Variants in CDC34 observed in about 807,000 individuals in gnomAD.
The protein encoded by CDC34 is cell division cycle 34, ubiquitin conjugating enzyme.
CDC34 carries 18 observed loss-of-function variants against 26.8 expected under a neutral mutation model. That is an observed-to-expected ratio of 0.67 (90% CI 0.47 to 1.00). CDC34 has a LOEUF of 1.00. Among genes scored for constraint, CDC34 ranks in the 50% least tolerant of loss-of-function variants. CDC34 has a pLI of 0.00. For missense variants in CDC34, 280 were observed against 334.5 expected (o/e 0.84, Z 1.27); for synonymous variants, 178 against 147.5 (o/e 1.21, Z -1.50).
At chr19:535,770 C>T in intron 1 of CDC34, 67 bp from the exon 2 acceptor site, 1 of 1,248,422 alleles carries the variant, frequency 8.0e-7, no homozygotes, top group South Asian at 1.2e-5. Flanking sequence ...TGGCCTTGGG[C>T]ACCTTGTGAG....
chr19:534,410 C>T (rs1380251036), intron 1 of CDC34, among the ~76,000 whole-genome samples: 2 of 149,302 alleles, frequency 1.3e-5, no homozygotes, highest in Non-Finnish European at 3.0e-5. Flanking sequence ...CAATCCAAGA[C>T]CCCCGAGTAC....
chr19:533,433 G>A (rs918481328), intron 1 of CDC34, among the ~76,000 whole-genome samples: 2 of 152,370 alleles, frequency 1.3e-5, no homozygotes, highest in African/African-American at 4.8e-5. Flanking sequence ...TGCTGGGGGC[G>A]ATTCCTGAGC....
chr19:536,481 G>A (rs934048374), intron 3 of CDC34, 141 bp downstream of exon 3: 26 of 653,914 alleles, frequency 4.0e-5, no homozygotes, highest in Middle Eastern at 4.2e-4. Context: ...GCCAGCTGGC[G>A]GTCCTGGGCC....
intron 4 of CDC34, among the ~76,000 whole-genome samples, chr19:539,934 C>T (rs1052089050): frequency 2.6e-5 from 4 of 152,322 alleles, no homozygotes; most frequent in African/African-American, 7.2e-5. Context: ...GCTAACTTGT[C>T]CTCCCTTCCT....
chr19:539,886 T>C (rs946866197), intron 4 of CDC34, among the ~76,000 whole-genome samples: 2 of 152,106 alleles, frequency 1.3e-5, no homozygotes, highest in African/African-American at 2.4e-5. Context: ...CAGCCCCTCA[T>C]AGGGCCGGGT....
chr19:536,448 C>A, intron 3 of CDC34, 108 bp downstream of exon 3: 2 of 830,788 alleles, frequency 2.4e-6, no homozygotes, highest in Non-Finnish European at 3.8e-6. Flanking sequence ...CAGGCTGTGG[C>A]GCCAAGGCCT....
Position 541,604 on chromosome 19 carries a change from C to T in CDC34, c.*52C>T, listed in dbSNP as rs1297699421. 2 of 1,505,328 alleles carry T rather than the reference C, an allele frequency of 1.3e-6. No homozygotes were observed. The highest frequency in any genetic ancestry group is 2.7e-5 in the South Asian group (2 of 74,772). The allele number at this position is 1,505,328 out of a possible 1,614,324, so 93.2% of individuals were successfully genotyped here. On this transcript the variant is annotated 3_prime_UTR_variant, in exon 5 of 5. Transcript: ENST00000215574. The stretch of plus-strand genomic sequence containing the variant: ...TACCTCACTAGGGCCGGACCCGTGG[C>T]TCCTTAGACGACAGACTACCTCACG...
chr19:536,658 C>A lies in CDC34; in HGVS notation c.362+318C>A, dbSNP rs1979769416. On this transcript the variant is annotated intron_variant, in intron 3 of 4. Transcript: ENST00000215574. ...CTTACCCAGCCGTCTCTGGGTTGGT[C>A]ACCTCGTGCCACGTGTGCCGCCTGG... The A allele has an allele frequency of 5.6e-6, 3 of 536,440 alleles. No individual in the cohort carries two copies. In the South Asian group the frequency reaches 6.8e-5, roughly 12 times the overall value. 33.2% of individuals were successfully genotyped at this position (536,440 alleles called of 1,614,324 possible).
At position 533,519 on chromosome 19, in the gene CDC34, G is replaced by A. The variant is rs147363174; in HGVS notation, c.177+1411G>A. Reference sequence around the variant, plus strand: ...CAGGGAACAGAGTTTGGGTCTCGAGGTTGCCAAATGGTTTTAGCAGCTCCT... The same window carrying A: ...CAGGGAACAGAGTTTGGGTCTCGAGATTGCCAAATGGTTTTAGCAGCTCCT... On this transcript the variant is annotated intron_variant, in intron 1 of 4. Transcript: ENST00000215574. 7.3e-3 allele frequency among the ~76,000 whole-genome samples: 1,106 copies of A among 152,378 alleles called. 6 individuals carry two copies. Among genetic ancestry groups the A allele is most frequent in the Non-Finnish European group, 0.011 (770 of 68,044 alleles).
chr19:536,910 CCTG>C (rs757085561), intron 3 of CDC34, 100 bp from the exon 4 acceptor site: 101 of 1,367,560 alleles, frequency 7.4e-5, no homozygotes, highest in Non-Finnish European at 9.6e-5. Context: ...GTGAAGGTCA[CCTG>C]CTGGGTGGGT....
intron 3 of CDC34, 68 bp downstream of exon 3, chr19:536,408 C>A: frequency 8.1e-7 from 1 of 1,241,334 alleles, no homozygotes; most frequent in Non-Finnish European, 1.1e-6. Context: ...CCGTATCCAC[C>A]CAGACCATCA....
chr19:541,497 A>C lies in CDC34; in HGVS notation c.656A>C (p.Glu219Ala). The C allele has an allele frequency of 7.5e-6, 12 of 1,610,564 alleles. No homozygotes were observed. Among genetic ancestry groups the C allele is most frequent in the East Asian group, 2.2e-5 (1 of 44,780 alleles). ...TACGAGGACGGCGAGGTGGAGGAGG[A>C]GGCCGACAGCTGCTTCGGGGACGAT... The part of the protein sequence containing the change: ...DYYEDGEVEE[E>A]ADSCFGDDED... Residue 219 changes from glutamate to alanine, a missense_variant, in exon 5 of 5, where the codon GAG becomes GCG. Physicochemically the swap from Glu to Ala is moderately radical, Grantham distance 107. Transcript: ENST00000215574.
At chr19:539,065 T>C (rs1378582518) in intron 4 of CDC34, 2 of 946,980 alleles carry the variant, frequency 2.1e-6, no homozygotes, top group Middle Eastern at 5.3e-4. Context: ...ACATGTGCCA[T>C]GTGGACTCTG....
intron 4 of CDC34, chr19:538,755 C>G: frequency 1.0e-6 from 1 of 985,452 alleles, no homozygotes; most frequent in Non-Finnish European, 1.2e-6. Context: ...GGGGCAGCAT[C>G]CTGGTGCTGG....
Position 541,606 on chromosome 19 carries a change from C to A in CDC34, c.*54C>A. 6.7e-7 allele frequency: 1 copy of A among 1,499,904 alleles called. No individual in the cohort carries two copies. Among genetic ancestry groups the A allele is most frequent in the Non-Finnish European group, 8.9e-7 (1 of 1,123,186 alleles). 92.9% of individuals were successfully genotyped at this position (1,499,904 alleles called of 1,614,324 possible). A position where few individuals can be genotyped will look rare whatever the true frequency, so the allele number is the denominator to read the frequency against. The stretch of plus-strand genomic sequence containing the variant: ...CCTCACTAGGGCCGGACCCGTGGCT[C>A]CTTAGACGACAGACTACCTCACGGA... On this transcript the variant is annotated 3_prime_UTR_variant, in exon 5 of 5. Coordinates refer to ENST00000215574, the MANE Select transcript of CDC34 (RefSeq NM_004359.2).
intron 4 of CDC34, 140 bp from the exon 5 acceptor site, chr19:541,199 G>T (rs1228718464): frequency 1.8e-6 from 2 of 1,119,780 alleles, no homozygotes; most frequent in Non-Finnish European, 2.4e-6. Flanking sequence ...CACGCACAGG[G>T]CTTTGTCCTA....
chr19:536,298 G>C lies in CDC34; in HGVS notation c.320G>C (p.Gly107Ala), dbSNP rs772825347. ...LHPPVDDPQS[G>A]ELPSERWNPT... ...CCGCCGGTGGACGACCCCCAGAGCG[G>C]GGAGCTGCCCTCAGAGAGGTGGAAC... Residue 107 changes from glycine (G) to alanine (A), a missense_variant, in exon 3 of 5, where the codon GGG becomes GCG. By Grantham distance (60) the Gly-to-Ala change is moderately conservative (BLOSUM62 0). Transcript: ENST00000215574. 6.2e-7 allele frequency: 1 copy of C among 1,612,504 alleles called. No individual in the cohort carries two copies. Among genetic ancestry groups the C allele is most frequent in the Non-Finnish European group, 8.5e-7 (1 of 1,179,718 alleles).
intron 3 of CDC34, 120 bp downstream of exon 3, chr19:536,460 A>C: frequency 1.3e-6 from 1 of 745,562 alleles, no homozygotes; most frequent in Non-Finnish European, 2.2e-6. Context: ...CCAAGGCCTG[A>C]TTCGGGACCT....
Position 532,068 on chromosome 19 carries a change from TC to T in CDC34, c.138del (p.Phe46LeufsTer33). 1 of 1,522,574 alleles carries T rather than the reference TC, an allele frequency of 6.6e-7. No individual in the cohort carries two copies. The highest frequency in any genetic ancestry group is 8.7e-7 in the Non-Finnish European group (1 of 1,144,144). 94.3% of individuals were successfully genotyped at this position (1,522,574 alleles called of 1,614,324 possible). A position where few individuals can be genotyped will look rare whatever the true frequency, so the allele number is the denominator to read the frequency against. ...GDLYNWEVAI[F>X]GPPNTYYEGG... ...CTATACAACTGGGAGGTGGCCATCT[TC>T]GGGCCCCCCAACACCTACTACGAGG... On this transcript the variant is annotated frameshift_variant, in exon 1 of 5. Coordinates refer to ENST00000215574, the MANE Select transcript of CDC34 (RefSeq NM_004359.2). LOFTEE classifies it high-confidence loss of function.
Sources: allele counts gnomAD v4.1 joint callset (sites outside exome capture counted in the v4.1 genomes callset), GRCh38; gene constraint gnomAD v4.1.1; transcripts MANE v1.5; gene names NCBI Gene and HGNC (gene_info 2026-07-23, HGNC 2026-07-21).